Variants in PLXDC2 observed in about 807,000 individuals in gnomAD.
PLXDC2 encodes plexin domain containing 2.
PLXDC2 carries 40 observed loss-of-function variants against 68.9 expected under a neutral mutation model. The ratio of observed to expected loss-of-function variants is 0.58; its 90% CI spans 0.45 to 0.76. PLXDC2 has a LOEUF of 0.76. PLXDC2 is among the 30% of genes least tolerant of loss of function. The pLI, the probability that PLXDC2 is intolerant of heterozygous loss-of-function variation, is 0.00. For missense variants in PLXDC2, 644 were observed against 661.9 expected, an observed-to-expected ratio of 0.97 and a Z score of 0.30; for synonymous variants, 243 against 234.2, an observed-to-expected ratio of 1.04 and a Z score of -0.34.
chr10:20,079,533 C>G (rs1430898620), intron 4 of PLXDC2, among the ~76,000 whole-genome samples: 1 of 152,116 alleles, frequency 6.6e-6, no homozygotes, highest in Admixed American at 6.5e-5. Context: ...GGAACCAACC[C>G]AAATGCCCAT....
intron 1 of PLXDC2, among the ~76,000 whole-genome samples, chr10:19,885,369 T>A (rs1837823104): frequency 6.6e-6 from 1 of 151,878 alleles, no homozygotes; most frequent in Non-Finnish European, 1.5e-5. Flanking sequence ...TAGATCCCAT[T>A]TGTCAATTTT....
At chr10:20,162,909 C>CAAAAA (rs71390763) in intron 6 of PLXDC2, among the ~76,000 whole-genome samples, 3 of 98,050 alleles carry the variant, frequency 3.1e-5, no homozygotes, top group Non-Finnish European at 1.9e-5. Context: ...ACTAAAAATA[C>CAAAAA]AAAAAAAAAA....
intron 4 of PLXDC2, among the ~76,000 whole-genome samples, chr10:20,076,612 T>C (rs1045420457): frequency 3.3e-5 from 5 of 152,252 alleles, no homozygotes; most frequent in Admixed American, 3.3e-4. Context: ...AGTCCTGTGC[T>C]GCCTTTTTAG....
Position 20,158,490 on chromosome 10 carries a change from C to T in PLXDC2, c.784-5978C>T, listed in dbSNP as rs966174709. On this transcript the variant is annotated intron_variant, in intron 6 of 13. Transcript: ENST00000377252. ...TTACAGCCTGGGTAACATAATGAGA[C>T]TCTGTCTCTGCAAAAAAAAAAAAAA... Among the ~76,000 whole-genome samples, 23 of 119,970 alleles carry T rather than the reference C, an allele frequency of 1.9e-4. No individual in the cohort carries two copies. The East Asian group carries it at 5.3e-3, about 27-fold the overall frequency. The allele number at this position is 119,970 out of a possible 152,430, so 78.7% of individuals were successfully genotyped here.
At chr10:19,914,159 AAAG>A (rs1833325456) in intron 1 of PLXDC2, among the ~76,000 whole-genome samples, 1 of 151,740 alleles carries the variant, frequency 6.6e-6, no homozygotes, top group Admixed American at 6.6e-5. Context: ...GGAAGGAAGG[AAAG>A]AAGGAATACA....
At chr10:20,237,703 CT>C (rs1217476881) in intron 12 of PLXDC2, among the ~76,000 whole-genome samples, 1 of 152,150 alleles carries the variant, frequency 6.6e-6, no homozygotes, top group Non-Finnish European at 1.5e-5. Context: ...TATAGTTTAA[CT>C]TTATTCTGAA....
intron 5 of PLXDC2, among the ~76,000 whole-genome samples, chr10:20,147,164 A>C (rs1834091741): frequency 6.6e-6 from 1 of 152,178 alleles, no homozygotes; most frequent in African/African-American, 2.4e-5. Context: ...ACAGCACTGA[A>C]GTTTCATCCC....
chr10:20,287,599 G>A lies in PLXDC2; in HGVS notation c.*7780G>A, dbSNP rs1227175327. 1 of 152,164 alleles carries A rather than the reference G, an allele frequency of 6.6e-6. No individual in the cohort carries two copies. The highest frequency in any genetic ancestry group is 1.5e-5 in the Non-Finnish European group (1 of 68,052). The allele number at this position is 152,164 out of a possible 1,614,324, so 9.4% of individuals were successfully genotyped here. A position where few individuals can be genotyped will look rare whatever the true frequency, so the allele number is the denominator to read the frequency against. ...TAGGCATCCTGCAGCAGGCTACTCT[G>A]AAAATAACATTAGGCAACATCAGAG... On this transcript the variant is annotated 3_prime_UTR_variant, in exon 14 of 14. Transcript: ENST00000377252.
At chr10:20,140,083 G>A (rs1564330019) in intron 4 of PLXDC2, among the ~76,000 whole-genome samples, 1 of 151,976 alleles carries the variant, frequency 6.6e-6, no homozygotes, top group African/African-American at 2.4e-5. Flanking sequence ...GACAGATCAC[G>A]AGGTCAGGAG....
At chr10:19,847,389 G>T (rs1837027993) in intron 1 of PLXDC2, among the ~76,000 whole-genome samples, 1 of 152,204 alleles carries the variant, frequency 6.6e-6, no homozygotes, top group Admixed American at 6.5e-5. Context: ...GTGCAGGTCT[G>T]CAGAGCACGT....
chr10:19,893,765 T>A (rs1838007537), intron 1 of PLXDC2, among the ~76,000 whole-genome samples: 1 of 152,250 alleles, frequency 6.6e-6, no homozygotes, highest in South Asian at 2.1e-4. Context: ...ACAGCCTTTT[T>A]ACTTTCTCAT....
intron 1 of PLXDC2, among the ~76,000 whole-genome samples, chr10:19,821,443 G>T (rs956044095): frequency 2.0e-5 from 3 of 152,190 alleles, no homozygotes; most frequent in Admixed American, 6.5e-5. Flanking sequence ...TTCTTCAAAG[G>T]CACTTGCTTG....
At chr10:19,884,787 A>G (rs1837810383) in intron 1 of PLXDC2, among the ~76,000 whole-genome samples, 1 of 152,228 alleles carries the variant, frequency 6.6e-6, no homozygotes, top group East Asian at 1.9e-4. Flanking sequence ...AGTCTTTGCT[A>G]TTGTGAATAG....
At chr10:20,049,963 C>T (rs1835863472) in intron 3 of PLXDC2, among the ~76,000 whole-genome samples, 1 of 152,124 alleles carries the variant, frequency 6.6e-6, no homozygotes, top group African/African-American at 2.4e-5. Context: ...TCAAATTATA[C>T]TGCAGGGCTG....
intron 12 of PLXDC2, among the ~76,000 whole-genome samples, chr10:20,230,306 A>T (rs2131877382): frequency 6.6e-6 from 1 of 152,316 alleles, no homozygotes; most frequent in East Asian, 1.9e-4. Flanking sequence ...GAATGCCTAT[A>T]TAAATATCAA....
At chr10:20,268,513 T>C (rs2119376672) in intron 13 of PLXDC2, among the ~76,000 whole-genome samples, 1 of 152,360 alleles carries the variant, frequency 6.6e-6, no homozygotes, top group South Asian at 2.1e-4. Context: ...ACTCTTGGAT[T>C]TGATGACATA....
At chr10:19,837,213 G>GT in intron 1 of PLXDC2, among the ~76,000 whole-genome samples, 1 of 149,806 alleles carries the variant, frequency 6.7e-6, no homozygotes, top group South Asian at 2.1e-4. Flanking sequence ...CCAGGTTGAA[G>GT]TAAAAAAAAG....
intron 4 of PLXDC2, among the ~76,000 whole-genome samples, chr10:20,118,940 C>G (rs192231068): frequency 6.8e-4 from 89 of 130,264 alleles, no homozygotes; most frequent in African/African-American, 2.1e-3. Flanking sequence ...TTTTTTGATT[C>G]CAAAAGCAAT....
chr10:20,014,382 GCTTCCTTCCTTCCTTC>G (rs539488828), intron 2 of PLXDC2, among the ~76,000 whole-genome samples: 16,870 of 79,034 alleles, frequency 0.21, 1,458 homozygotes, highest in South Asian at 0.23. Flanking sequence ...TTCCTTCCTT[GCTTCCTTCCTTCCTTC>G]CTTCCTTCCT....
Sources: gnomAD v4.1 joint callset for allele counts (sites outside exome capture counted in the v4.1 genomes callset) on GRCh38, gnomAD v4.1.1 for gene constraint, MANE v1.5 for transcripts, NCBI Gene and HGNC (gene_info 2026-07-23, HGNC 2026-07-21) for gene names.